STON2: variants seen among roughly 807,000 people sequenced by gnomAD.
STON2 encodes the protein stonin 2, also known as stonin-2.
In STON2, 29 loss-of-function variants were observed where a neutral mutation model predicts 65.7. That is an observed-to-expected ratio of 0.44 (90% CI 0.33 to 0.60). The LOEUF is 0.60. Ranked by LOEUF, STON2 falls within the 20% of genes least tolerant of loss-of-function variation. STON2 has a pLI of 0.03. For synonymous variants in STON2, 404 were observed against 414.2 expected, an observed-to-expected ratio of 0.98 and a Z score of 0.30; for missense variants, 1,054 against 1,118.1, an observed-to-expected ratio of 0.94 and a Z score of 0.82.
intron 4 of STON2, among the ~76,000 whole-genome samples, chr14:81,354,138 A>C (rs1898130359): frequency 1.3e-5 from 2 of 152,222 alleles, no homozygotes; most frequent in Admixed American, 6.5e-5. Context: ...TCACCTGGCC[A>C]GGGAATGCAC....
chr14:81,396,807 C>T (rs1900347820), intron 2 of STON2, among the ~76,000 whole-genome samples: 1 of 152,072 alleles, frequency 6.6e-6, no homozygotes, highest in African/African-American at 2.4e-5. Context: ...GCCTATAATC[C>T]CAACACTTTG....
chr14:81,390,003 A>T (rs1900001894), intron 3 of STON2, among the ~76,000 whole-genome samples: 1 of 152,102 alleles, frequency 6.6e-6, no homozygotes. Flanking sequence ...ATTTGAGGTC[A>T]GGAGTTTGTG....
At chr14:81,270,920 G>GGAAGGAGCAGCC (rs1894559577) in intron 6 of STON2, 48 bp from the exon 7 acceptor site, 1 of 1,586,378 alleles carries the variant, frequency 6.3e-7, no homozygotes, top group African/African-American at 1.3e-5. Context: ...GGGAGAAAGT[G>GGAAGGAGCAGCC]GAAGGAGCAG....
At chr14:81,308,798 ATATATATATATATATATATATATATATG>A (rs1423108900) in intron 5 of STON2, among the ~76,000 whole-genome samples, 20 of 18,412 alleles carry the variant, frequency 1.1e-3, no homozygotes, top group African/African-American at 1.9e-3. Flanking sequence ...ATATATATAT[ATATATATATATATATATATATATATATG>A]TGTGTGTGTG....
At chr14:81,380,786 A>G (rs562493604) in intron 3 of STON2, among the ~76,000 whole-genome samples, 8 of 152,272 alleles carry the variant, frequency 5.3e-5, no homozygotes, top group African/African-American at 1.9e-4. Flanking sequence ...ACACACAGAA[A>G]TAAAGAAGAA....
intron 2 of STON2, 81 bp from the exon 3 acceptor site, chr14:81,396,259 G>A (rs762642038): frequency 5.5e-5 from 78 of 1,415,338 alleles, no homozygotes; most frequent in Non-Finnish European, 6.9e-5. Context: ...AACTAAGGAT[G>A]ACCATGGGGT....
chr14:81,417,133 C>A (rs962338375), intron 2 of STON2, among the ~76,000 whole-genome samples: 8 of 152,140 alleles, frequency 5.3e-5, no homozygotes, highest in Admixed American at 1.3e-4. Context: ...CTTTAGCATC[C>A]CAAAAGGACT....
At chr14:81,368,762 T>C (rs1051717861) in intron 4 of STON2, among the ~76,000 whole-genome samples, 9 of 152,146 alleles carry the variant, frequency 5.9e-5, no homozygotes, top group African/African-American at 2.2e-4. Flanking sequence ...GCCATACCTC[T>C]ACCCTCCTTG....
At chr14:81,330,071 T>C (rs1045530851) in intron 4 of STON2, among the ~76,000 whole-genome samples, 11 of 152,358 alleles carry the variant, frequency 7.2e-5, no homozygotes, top group Middle Eastern at 6.8e-3. Flanking sequence ...TCCACCTCTC[T>C]ATCCTGTTGT....
intron 2 of STON2, among the ~76,000 whole-genome samples, chr14:81,425,112 A>C (rs147150747): frequency 0.013 from 1,939 of 152,344 alleles, 43 homozygotes; most frequent in African/African-American, 0.045. Flanking sequence ...ATAATTAGAG[A>C]ATGGAGTGAC....
chr14:81,355,095 GA>G (rs937686896), intron 4 of STON2, among the ~76,000 whole-genome samples: 1 of 151,342 alleles, frequency 6.6e-6, no homozygotes, highest in African/African-American at 2.4e-5. Flanking sequence ...ATTCAGAAGA[GA>G]AAAAAAAGAA....
intron 2 of STON2, among the ~76,000 whole-genome samples, chr14:81,411,366 T>C (rs1901149800): frequency 6.6e-6 from 1 of 152,258 alleles, no homozygotes. Context: ...ATTTATTCAT[T>C]CATCCAACAA....
At chr14:81,306,186 C>A in intron 5 of STON2, among the ~76,000 whole-genome samples, 1 of 135,666 alleles carries the variant, frequency 7.4e-6, no homozygotes, top group African/African-American at 2.8e-5. Context: ...TATATATATA[C>A]ACTCTATTTT....
At chr14:81,290,384 G>T (rs1387068606) in intron 5 of STON2, among the ~76,000 whole-genome samples, 1 of 152,182 alleles carries the variant, frequency 6.6e-6, no homozygotes, top group African/African-American at 2.4e-5. Flanking sequence ...CGTTGGTCAG[G>T]GGGCTGGTGA....
intron 4 of STON2, among the ~76,000 whole-genome samples, chr14:81,365,844 C>G (rs1419902135): frequency 6.6e-6 from 1 of 152,206 alleles, no homozygotes; most frequent in Non-Finnish European, 1.5e-5. Context: ...TACATATTTT[C>G]TCTTCCCTGG....
rs1474499551 is a variant in STON2, at chr14:81,261,906, T to C, written c.*6508A>G. 2 of 1,514,008 alleles carry C rather than the reference T, an allele frequency of 1.3e-6. No homozygotes were observed. The highest frequency in any genetic ancestry group is 2.5e-5 in the South Asian group (2 of 79,636). 93.8% of individuals were successfully genotyped at this position (1,514,008 alleles called of 1,614,324 possible). Reference sequence around the variant, plus strand: ...TGGAAGGCAACTGCAATATAGAGGATTTGGAAGGTTGTCTGTTTCTGTTGT... The same window carrying C: ...TGGAAGGCAACTGCAATATAGAGGACTTGGAAGGTTGTCTGTTTCTGTTGT... On this transcript the variant is annotated 3_prime_UTR_variant, in exon 8 of 8. Transcript: ENST00000614646.
intron 6 of STON2, among the ~76,000 whole-genome samples, chr14:81,275,017 C>A (rs1234528297): frequency 7.0e-6 from 1 of 143,730 alleles, no homozygotes; most frequent in Non-Finnish European, 1.5e-5. Context: ...ATGACCAGAG[C>A]TACTCTAGTG....
rs185148844 is a variant in STON2, at chr14:81,421,314, G to A, written c.-199+5788C>T. Reference sequence around the variant, plus strand: ...GAGCCAGAAGGAGAAAAGTAAGACAGGAGGCTGGAGAGCTAGGAGTCAGGT... The same window carrying A: ...GAGCCAGAAGGAGAAAAGTAAGACAAGAGGCTGGAGAGCTAGGAGTCAGGT... On this transcript the variant is annotated intron_variant, in intron 2 of 8. Transcript: ENST00000553821. 2.3e-3 allele frequency among the ~76,000 whole-genome samples: 346 copies of A among 152,340 alleles called. 2 individuals are homozygous for A. The highest frequency in any genetic ancestry group is 8.0e-3 in the African/African-American group (332 of 41,568).
intron 3 of STON2, among the ~76,000 whole-genome samples, chr14:81,372,331 A>G (rs1899036468): frequency 6.6e-6 from 1 of 152,136 alleles, no homozygotes; most frequent in Admixed American, 6.5e-5. Flanking sequence ...AGGCGGGTGG[A>G]TCACCTGAGG....
Sources: allele counts gnomAD v4.1 joint callset (sites outside exome capture counted in the v4.1 genomes callset), GRCh38; gene constraint gnomAD v4.1.1; transcripts MANE v1.5; gene names NCBI Gene and HGNC (gene_info 2026-07-23, HGNC 2026-07-21).